IFIH1: variants seen among roughly 807,000 people sequenced by gnomAD.
IFIH1 encodes the protein interferon-induced helicase C domain-containing protein 1.
IFIH1 carries 125 observed loss-of-function variants against 107.4 expected under a neutral mutation model. That is an observed-to-expected ratio of 1.16 (90% CI 1.01 to 1.35). The LOEUF (loss-of-function observed/expected upper bound fraction) is 1.35. Ranked by LOEUF, IFIH1 falls within the 40% of genes most tolerant of loss-of-function variation. The pLI is 0.00. For synonymous variants in IFIH1, 458 were observed against 413.2 expected, an observed-to-expected ratio of 1.11 and a Z score of -1.31; for missense variants, 1,333 against 1,213.7, an observed-to-expected ratio of 1.10 and a Z score of -1.46.
chr2:162,283,701 G>A (rs557722968), intron 5 of IFIH1, among the ~76,000 whole-genome samples: 1 of 152,050 alleles, frequency 6.6e-6, no homozygotes, highest in Non-Finnish European at 1.5e-5. Context: ...GTCCCACTTA[G>A]GTGTTAAATA....
Position 162,277,707 on chromosome 2 carries a change from T to C in IFIH1, c.1766-14A>G, listed in dbSNP as rs770016404. Reference sequence around the variant, plus strand: ...CTTCTTTTGCAGCTGTGAAAAAATATATTATGTAAGTGAAATAATAAGCAT... The same window carrying C: ...CTTCTTTTGCAGCTGTGAAAAAATACATTATGTAAGTGAAATAATAAGCAT... On this transcript the variant is annotated splice_polypyrimidine_tract_variant and intron_variant, in intron 9 of 15. Transcript: ENST00000649979. 5 of 1,595,312 alleles carry C rather than the reference T, an allele frequency of 3.1e-6. No individual in the cohort carries two copies. The highest frequency in any genetic ancestry group is 1.7e-5 in the Admixed American group (1 of 57,186).
intron 5 of IFIH1, among the ~76,000 whole-genome samples, chr2:162,287,693 A>G (rs1484490570): frequency 2.0e-5 from 3 of 151,962 alleles, no homozygotes; most frequent in Admixed American, 2.0e-4. Context: ...GCCATCTTTG[A>G]CTAAGGGTCA....
intron 3 of IFIH1, among the ~76,000 whole-genome samples, chr2:162,295,859 G>A (rs1355447351): frequency 2.0e-5 from 3 of 151,882 alleles, no homozygotes; most frequent in Non-Finnish European, 4.4e-5. Flanking sequence ...GTAAGGAAAA[G>A]GCAAGGTGTA....
At chr2:162,274,045 C>T (rs1399516951) in intron 11 of IFIH1, 101 bp from the exon 12 acceptor site, 7 of 775,046 alleles carry the variant, frequency 9.0e-6, no homozygotes, top group Non-Finnish European at 1.2e-5. Flanking sequence ...CAGTGTAAAT[C>T]AAAGGATTAG....
Position 162,280,107 on chromosome 2 carries a change from A to C in IFIH1, c.1530T>G (p.Cys510Trp). 1 of 1,512,060 alleles carries C rather than the reference A, an allele frequency of 6.6e-7. No individual in the cohort carries two copies. Among genetic ancestry groups the C allele is most frequent in the Non-Finnish European group, 9.2e-7 (1 of 1,090,842 alleles). 93.7% of individuals were successfully genotyped at this position (1,512,060 alleles called of 1,614,324 possible). A position where few individuals can be genotyped will look rare whatever the true frequency, so the allele number is the denominator to read the frequency against. ...AKAEEHILKL[C>W]ANLDAFTIKT... is the part of the protein sequence containing the mutation. Reference sequence around the variant, plus strand: ...TAATAGTAAATGCATCAAGATTGGCACATAGCTGGAAAAGAGACATTTTTC... The same window carrying C: ...TAATAGTAAATGCATCAAGATTGGCCCATAGCTGGAAAAGAGACATTTTTC... The change falls in exon 8 of 16, where the codon TGT (cysteine) becomes TGG (tryptophan). Residue 510 changes from cysteine (C) to tryptophan (W), a missense_variant. Transcript: ENST00000649979.
intron 3 of IFIH1, among the ~76,000 whole-genome samples, chr2:162,298,563 T>C (rs534973716): frequency 1.4e-4 from 21 of 152,152 alleles, no homozygotes; most frequent in African/African-American, 4.8e-4. Flanking sequence ...AGTTTCATAA[T>C]CCTCACGCCT....
rs2105193842 is a variant in IFIH1 at position 162,273,947 on chromosome 2, G to A, written c.2305-3C>T. 1 of 1,571,256 alleles carries A rather than the reference G, an allele frequency of 6.4e-7. No homozygotes were observed. The highest frequency in any genetic ancestry group is 8.7e-7 in the Non-Finnish European group (1 of 1,149,240). ...CTAATGACTTCTTTTTGTTCATTCT[G>A]TAGAAACATTTTAATAAATTAAATT... is the stretch of plus-strand genomic sequence containing the variant. On this transcript the variant is annotated splice_region_variant and splice_polypyrimidine_tract_variant and intron_variant, in intron 11 of 15. Coordinates refer to ENST00000649979, the MANE Select transcript of IFIH1 (RefSeq NM_022168.4).
At chr2:162,284,154 TGA>T (rs560776413) in intron 5 of IFIH1, among the ~76,000 whole-genome samples, 67 of 152,060 alleles carry the variant, frequency 4.4e-4, no homozygotes, top group East Asian at 3.9e-3. Flanking sequence ...CTTTAAAATT[TGA>T]GAGTCACAGC....
Position 162,277,612 on chromosome 2 carries a change from GT to G in IFIH1, c.1846del (p.Thr616GlnfsTer4). On this transcript the variant is annotated frameshift_variant, in exon 10 of 16. Coordinates refer to ENST00000649979, the MANE Select transcript of IFIH1 (RefSeq NM_022168.4). LOFTEE classifies it high-confidence loss of function. ...KYNEALQIND[T>X]IRMIDAYTHL... ...AGTATACGCATCTATCATTCGAATT[GT>G]GTCATTAATTTGTAGGGCCTCATTG... 6.2e-7 allele frequency: 1 copy of G among 1,613,070 alleles called. No individual in the cohort carries two copies. The highest frequency in any genetic ancestry group is 8.5e-7 in the Non-Finnish European group (1 of 1,179,342).
Position 162,293,579 on chromosome 2 carries a change from T to G in IFIH1, c.859A>C (p.Met287Leu). The G allele has an allele frequency of 1.2e-6, 2 of 1,609,026 alleles. No individual in the cohort carries two copies. The highest frequency in any genetic ancestry group is 3.3e-4 in the Middle Eastern group (2 of 6,034). ...TAGGCAGTACCTGAATCACTTCCCATGGTGCCTGAATCACTGCCCATGTTG... is the reference window on the plus strand; with the variant it reads ...TAGGCAGTACCTGAATCACTTCCCAGGGTGCCTGAATCACTGCCCATGTTG... ...NSNMGSDSGT[M>L]GSDSDEENVA... The change falls in exon 4 of 16, where the codon ATG becomes CTG. Residue 287 changes from methionine to leucine, a missense_variant. Transcript: ENST00000649979.
intron 4 of IFIH1, among the ~76,000 whole-genome samples, chr2:162,291,806 C>T (rs1336609257): frequency 1.3e-5 from 2 of 151,790 alleles, no homozygotes; most frequent in African/African-American, 4.8e-5. Flanking sequence ...TTAGCTTATA[C>T]CAGGCACTTG....
At chr2:162,300,347 G>T (rs1576234580) in intron 3 of IFIH1, among the ~76,000 whole-genome samples, 1 of 152,112 alleles carries the variant, frequency 6.6e-6, no homozygotes, top group Non-Finnish European at 1.5e-5. Context: ...CTTTATGTTT[G>T]TAGTCATAAA....
chr2:162,267,594 C>T (rs36070180), intron 14 of IFIH1, 25 bp from the exon 15 acceptor site: 32,450 of 1,517,766 alleles, frequency 0.021, 437 homozygotes, highest in Non-Finnish European at 0.026. Context: ...GGGAAAGAAT[C>T]ATCATGGAGA....
intron 5 of IFIH1, among the ~76,000 whole-genome samples, chr2:162,287,004 T>A (rs1576229003): frequency 6.6e-6 from 1 of 151,936 alleles, no homozygotes. Flanking sequence ...CTATTTCATT[T>A]AAAAAAATAA....
At chr2:162,291,776 C>A (rs1429573767) in intron 4 of IFIH1, among the ~76,000 whole-genome samples, 1 of 151,794 alleles carries the variant, frequency 6.6e-6, no homozygotes, top group Non-Finnish European at 1.5e-5. Flanking sequence ...TCTAAACCTC[C>A]TTTTGAATTG....
intron 3 of IFIH1, among the ~76,000 whole-genome samples, chr2:162,300,019 G>C (rs541506498): frequency 1.3e-5 from 2 of 152,102 alleles, no homozygotes; most frequent in African/African-American, 4.8e-5. Flanking sequence ...GCTTTCTCTC[G>C]TCAGTCTTCC....
Position 162,281,347 on chromosome 2 carries a change from G to T in IFIH1, c.1505C>A (p.Ala502Asp). Residue 502 changes from alanine to aspartate, a missense_variant, in exon 7 of 16, where the codon GCT (alanine) becomes GAT (aspartate). Physicochemically the swap from Ala to Asp is moderately radical, Grantham distance 126. Transcript: ENST00000649979. ...ACTTACTTTTAAAATGTGTTCTTCA[G>T]CTTTGGCTTGCTTCGTGGCCCCTCC... Reference protein sequence around the residue: ...GVGGATKQAKAEEHILKLCAN... With the variant: ...GVGGATKQAKDEEHILKLCAN... 1 of 1,612,188 alleles carries T rather than the reference G, an allele frequency of 6.2e-7. No homozygotes were observed.
rs760903088 is a variant in IFIH1 at position 162,317,977 on chromosome 2, G to T, written c.331C>A (p.His111Asn). ...DLPSPSFENA[H>N]DEYLQLLNLL... ...TTCAGCAGTTGGAGATATTCATCAT[G>T]AGCGTTCTCAAACGATGGAGAGGGC... The change falls in exon 1 of 16, where the codon CAT becomes AAT. Residue 111 changes from histidine (H) to asparagine (N), a missense_variant. Transcript: ENST00000649979. 2.2e-5 allele frequency: 36 copies of T among 1,614,042 alleles called. No homozygotes were observed. The highest frequency in any genetic ancestry group is 2.4e-5 in the Non-Finnish European group (28 of 1,180,030).
intron 1 of IFIH1, among the ~76,000 whole-genome samples, chr2:162,314,350 C>T (rs1205931901): frequency 6.6e-6 from 1 of 150,824 alleles, no homozygotes; most frequent in Admixed American, 6.6e-5. Context: ...TTCTTTCCTT[C>T]CTTCCTTTCT....
Sources: gnomAD v4.1 joint callset for allele counts (sites outside exome capture counted in the v4.1 genomes callset) on GRCh38, gnomAD v4.1.1 for gene constraint, MANE v1.5 for transcripts, NCBI Gene and HGNC (gene_info 2026-07-23, HGNC 2026-07-21) for gene names.